Variants in PIP5K1B observed in about 807,000 individuals in gnomAD.
The protein encoded by PIP5K1B is phosphatidylinositol-4-phosphate 5-kinase type 1 beta.
PIP5K1B carries 42 observed loss-of-function variants against 67.0 expected under a neutral mutation model. That is an observed-to-expected ratio of 0.63 (90% CI 0.49 to 0.81). PIP5K1B has a LOEUF of 0.81. PIP5K1B is among the 30% of genes least tolerant of loss of function. PIP5K1B has a pLI of 0.00. For synonymous variants in PIP5K1B, 214 were observed against 231.4 expected (o/e 0.92, Z 0.68); for missense variants, 459 against 646.3 (o/e 0.71, Z 3.14).
chr9:68,832,934 A>G (rs1037172541), intron 4 of PIP5K1B, among the ~76,000 whole-genome samples: 3 of 152,228 alleles, frequency 2.0e-5, no homozygotes, highest in Non-Finnish European at 4.4e-5. Flanking sequence ...CTAAGTTTTC[A>G]TATTGTGACC....
chr9:68,965,581 T>G (rs1828977869), intron 14 of PIP5K1B: 1 of 152,250 alleles, frequency 6.6e-6, no homozygotes, highest in African/African-American at 2.4e-5. Context: ...AAGAGCTTTG[T>G]GTTTAAGGAT....
At chr9:68,958,319 C>T (rs1167920840) in intron 14 of PIP5K1B, among the ~76,000 whole-genome samples, 1 of 152,172 alleles carries the variant, frequency 6.6e-6, no homozygotes, top group Admixed American at 6.5e-5. Flanking sequence ...GTACAGGCAC[C>T]AGTGATTGTG....
chr9:68,923,217 A>T, intron 11 of PIP5K1B, 85 bp from the exon 12 acceptor site: 1 of 802,656 alleles, frequency 1.2e-6, no homozygotes, highest in Non-Finnish European at 2.1e-6. Flanking sequence ...GTTGGCTAAC[A>T]GAGAACCAAT....
chr9:68,753,803 C>T (rs960683429), intron 2 of PIP5K1B, among the ~76,000 whole-genome samples: 1 of 152,046 alleles, frequency 6.6e-6, no homozygotes, highest in Non-Finnish European at 1.5e-5. Flanking sequence ...GGATTACAGG[C>T]GTGAGCCACC....
intron 14 of PIP5K1B, among the ~76,000 whole-genome samples, chr9:68,947,480 T>C (rs1018544445): frequency 2.0e-5 from 3 of 152,172 alleles, no homozygotes; most frequent in African/African-American, 7.2e-5. Flanking sequence ...AAGAGGCCTA[T>C]GGGATATCGT....
At chr9:68,955,148 C>T (rs902954820) in intron 14 of PIP5K1B, among the ~76,000 whole-genome samples, 5 of 152,184 alleles carry the variant, frequency 3.3e-5, no homozygotes, top group Non-Finnish European at 7.3e-5. Flanking sequence ...GAAAACTGCA[C>T]ATCCCTGATC....
chr9:68,733,533 A>T (rs931415050), intron 1 of PIP5K1B, among the ~76,000 whole-genome samples: 7 of 151,932 alleles, frequency 4.6e-5, no homozygotes, highest in Admixed American at 2.6e-4. Flanking sequence ...GGGGGAGAAC[A>T]ATTGAATAAA....
chr9:68,829,022 A>G (rs1243977074), intron 4 of PIP5K1B, among the ~76,000 whole-genome samples: 1 of 152,234 alleles, frequency 6.6e-6, no homozygotes, highest in Non-Finnish European at 1.5e-5. Context: ...GAATCACTTG[A>G]GCCTGGAAGG....
At chr9:68,983,187 A>G (rs1176959155) in intron 14 of PIP5K1B, among the ~76,000 whole-genome samples, 3 of 152,240 alleles carry the variant, frequency 2.0e-5, no homozygotes, top group African/African-American at 7.2e-5. Context: ...TGAATGGCAG[A>G]AAATCAGCTC....
intron 2 of PIP5K1B, among the ~76,000 whole-genome samples, chr9:68,762,918 T>C (rs1311321816): frequency 6.6e-6 from 1 of 152,090 alleles, no homozygotes; most frequent in East Asian, 1.9e-4. Context: ...ATATGAGTGG[T>C]ACCCTCTGGA....
chr9:68,820,091 T>C (rs1223152047), intron 3 of PIP5K1B, among the ~76,000 whole-genome samples: 3 of 152,274 alleles, frequency 2.0e-5, no homozygotes, highest in Non-Finnish European at 4.4e-5. Context: ...CCCTTCAGAG[T>C]TGCTCTTGTA....
At chr9:68,909,507 A>G (rs1159810183) in intron 8 of PIP5K1B, among the ~76,000 whole-genome samples, 1 of 152,212 alleles carries the variant, frequency 6.6e-6, no homozygotes, top group Admixed American at 6.5e-5. Flanking sequence ...TTGTTTCAGA[A>G]ACAACTTTTT....
intron 2 of PIP5K1B, among the ~76,000 whole-genome samples, chr9:68,815,153 C>T (rs1054041305): frequency 6.6e-6 from 1 of 151,036 alleles, no homozygotes; most frequent in African/African-American, 2.4e-5. Flanking sequence ...AAATCAAATA[C>T]AAAATGACAA....
chr9:68,884,881 A>G (rs1824389281), intron 6 of PIP5K1B, among the ~76,000 whole-genome samples: 2 of 152,226 alleles, frequency 1.3e-5, no homozygotes, highest in Admixed American at 1.3e-4. Flanking sequence ...TCATACAACC[A>G]TTTTGGAAAA....
At chr9:68,839,775 A>G (rs1821821650) in intron 4 of PIP5K1B, among the ~76,000 whole-genome samples, 1 of 152,220 alleles carries the variant, frequency 6.6e-6, no homozygotes. Flanking sequence ...GTCTTGCAGA[A>G]AGAGGAGGAG....
intron 2 of PIP5K1B, among the ~76,000 whole-genome samples, chr9:68,816,233 A>AT (rs1833440107): frequency 6.6e-6 from 1 of 152,038 alleles, no homozygotes; most frequent in Non-Finnish European, 1.5e-5. Context: ...GGTTCAAGCA[A>AT]TTCTCCTGCC....
intron 4 of PIP5K1B, among the ~76,000 whole-genome samples, chr9:68,858,205 C>A (rs915912113): frequency 6.6e-6 from 1 of 152,022 alleles, no homozygotes; most frequent in East Asian, 1.9e-4. Flanking sequence ...AACTCCTGAC[C>A]TCAAGTGATC....
chr9:68,834,126 C>T lies in PIP5K1B; in HGVS notation c.69+11443C>T, dbSNP rs150118174. On this transcript the variant is annotated intron_variant, in intron 4 of 15. Transcript: ENST00000265382. ...TCACTGCCTTATTATCTTCCATTGGCCTTCTGGTACCTTCAGAAAATATCC... is the reference window on the plus strand; with the variant it reads ...TCACTGCCTTATTATCTTCCATTGGTCTTCTGGTACCTTCAGAAAATATCC... 4.0e-3 allele frequency among the ~76,000 whole-genome samples: 614 copies of T among 152,344 alleles called. 1 individual carries two copies. The highest frequency in any genetic ancestry group is 6.6e-3 in the Non-Finnish European group (449 of 68,038).
rs186492404 is a variant in PIP5K1B at position 68,732,253 on chromosome 9, C to T, written c.-242-10248C>T. 5.9e-5 allele frequency among the ~76,000 whole-genome samples: 9 copies of T among 152,266 alleles called. No homozygotes were observed. The South Asian group carries it at 1.0e-3, about 18-fold the overall frequency. ...TCCCTGTTGGATTGTAAATTGCTTG[C>T]GGGAGGAAGGGTCTCTCGTTTATTT... On this transcript the variant is annotated intron_variant, in intron 1 of 15. Transcript: ENST00000265382.
Sources: gnomAD v4.1 joint callset for allele counts (sites outside exome capture counted in the v4.1 genomes callset) on GRCh38, gnomAD v4.1.1 for gene constraint, MANE v1.5 for transcripts, NCBI Gene and HGNC (gene_info 2026-07-23, HGNC 2026-07-21) for gene names.